C1QTNF3: variants seen among roughly 807,000 people sequenced by gnomAD.
C1QTNF3 encodes C1q and TNF related 3.
Under a neutral mutation model 32.6 loss-of-function variants are expected in C1QTNF3, and 26 were observed. The observed-to-expected ratio is 0.80, with a 90% CI of 0.58 to 1.11. The LOEUF (loss-of-function observed/expected upper bound fraction) is 1.11. Ranked by LOEUF, C1QTNF3 falls within the 50% of genes least tolerant of loss-of-function variation. C1QTNF3 has a pLI of 0.00. For missense variants in C1QTNF3, 362 were observed against 398.2 expected (o/e 0.91, Z 0.77); for synonymous variants, 155 against 146.0 (o/e 1.06, Z -0.44).
the C1QTNF3 span, among the ~76,000 whole-genome samples, chr5:34,211,038 C>A: frequency 4.6e-5 from 7 of 151,264 alleles, no homozygotes; most frequent in Middle Eastern, 3.2e-3. Context: ...ATGTTACCTC[C>A]AGGTTTAAAC....
At chr5:34,058,855 C>T in the C1QTNF3 span, among the ~76,000 whole-genome samples, 8 of 152,302 alleles carry the variant, frequency 5.3e-5, no homozygotes, top group African/African-American at 1.7e-4. Flanking sequence ...ACACCCTTTA[C>T]AGCATATGCA....
the C1QTNF3 span, among the ~76,000 whole-genome samples, chr5:34,081,413 A>G: frequency 6.6e-6 from 1 of 151,846 alleles, no homozygotes; most frequent in South Asian, 2.1e-4. Flanking sequence ...AAAATTCTAA[A>G]TGACATTTTT....
At chr5:34,040,023 C>T (rs1377441557) in intron 1 of C1QTNF3, among the ~76,000 whole-genome samples, 2 of 152,194 alleles carry the variant, frequency 1.3e-5, no homozygotes, top group African/African-American at 4.8e-5. Context: ...ACGTTCCTTC[C>T]TCTGGCCTTG....
chr5:34,106,145 TATC>T, the C1QTNF3 span: 2 of 151,986 alleles, frequency 1.3e-5, no homozygotes, highest in Non-Finnish European at 2.9e-5. Context: ...GTTTATAGTA[TATC>T]ATATTTTTAA....
chr5:34,078,534 G>A, the C1QTNF3 span, among the ~76,000 whole-genome samples: 1 of 151,618 alleles, frequency 6.6e-6, no homozygotes, highest in African/African-American at 2.4e-5. This position sits in a 1 kb window ranked among gnomAD's most constrained non-coding sequence, Gnocchi z 4.0. Context: ...TCACTATCAT[G>A]AGAATAGCAT....
chr5:34,177,717 G>C, the C1QTNF3 span, among the ~76,000 whole-genome samples: 2 of 151,268 alleles, frequency 1.3e-5, no homozygotes, highest in Non-Finnish European at 2.9e-5. Context: ...TTGAACTCTT[G>C]GCCTCGTGAT....
the C1QTNF3 span, among the ~76,000 whole-genome samples, chr5:34,094,640 CTT>C: frequency 2.6e-5 from 4 of 151,738 alleles, no homozygotes; most frequent in African/African-American, 9.7e-5. Context: ...GATATTGTAT[CTT>C]ATGATATAGA....
At chr5:34,082,599 A>C in the C1QTNF3 span, among the ~76,000 whole-genome samples, 1 of 151,664 alleles carries the variant, frequency 6.6e-6, no homozygotes. Flanking sequence ...CCTAGGGTTT[A>C]AAGTTTGGAA....
rs575954038 is a variant in C1QTNF3, at chr5:34,020,885, C to T, written c.801-143G>A. 5.8e-5 allele frequency: 45 copies of T among 771,176 alleles called. No individual in the cohort carries two copies. The African/African-American group carries it at 6.6e-4, about 11-fold the overall frequency. The allele number at this position is 771,176 out of a possible 1,614,324, so 47.8% of individuals were successfully genotyped here. ...TAAACAGCCTGTGAGCAGAAATGAC[C>T]TATGTACCACTTCTAAAGCTGGCTA... On this transcript the variant is annotated intron_variant, in intron 5 of 5. Transcript: ENST00000382065.
chr5:34,212,693 A>T, the C1QTNF3 span, among the ~76,000 whole-genome samples: 1 of 150,658 alleles, frequency 6.6e-6, no homozygotes, highest in East Asian at 2.0e-4. Flanking sequence ...TGCAAATCAA[A>T]ACCACAATGA....
the C1QTNF3 span, among the ~76,000 whole-genome samples, chr5:34,077,922 T>A: frequency 5.3e-5 from 8 of 151,862 alleles, no homozygotes; most frequent in East Asian, 1.5e-3. Context: ...AGAAGGGGGA[T>A]TATTCAAATA....
At chr5:34,234,537 T>C in the C1QTNF3 span, among the ~76,000 whole-genome samples, 1 of 152,138 alleles carries the variant, frequency 6.6e-6, no homozygotes, top group Non-Finnish European at 1.5e-5. Flanking sequence ...TTCTCTCCCT[T>C]AGGCCACTAT....
At chr5:34,210,882 A>AT in the C1QTNF3 span, among the ~76,000 whole-genome samples, 2 of 152,054 alleles carry the variant, frequency 1.3e-5, no homozygotes, top group African/African-American at 4.8e-5. Context: ...AACAATATAC[A>AT]TTTTTTGCAT....
At chr5:34,127,202 G>T in the C1QTNF3 span, among the ~76,000 whole-genome samples, 25 of 152,090 alleles carry the variant, frequency 1.6e-4, no homozygotes, top group African/African-American at 6.0e-4. Flanking sequence ...CTGCTACAAA[G>T]ATACCTGAAA....
chr5:34,155,010 T>C, the C1QTNF3 span, among the ~76,000 whole-genome samples: 13 of 152,344 alleles, frequency 8.5e-5, no homozygotes, highest in Admixed American at 5.9e-4. Context: ...TACTTCTTAG[T>C]TATCATTTAT....
chr5:34,123,400 T>C, the C1QTNF3 span, among the ~76,000 whole-genome samples: 1 of 152,204 alleles, frequency 6.6e-6, no homozygotes, highest in East Asian at 1.9e-4. Flanking sequence ...ATATAAATAA[T>C]ATCAGATTTT....
At chr5:34,063,270 G>A in the C1QTNF3 span, among the ~76,000 whole-genome samples, 1 of 148,134 alleles carries the variant, frequency 6.8e-6, no homozygotes, top group Admixed American at 6.7e-5. Flanking sequence ...TTGACTTTCT[G>A]CCTTTCTCTC....
the C1QTNF3 span, among the ~76,000 whole-genome samples, chr5:34,198,179 T>C: frequency 2.8e-5 from 4 of 144,752 alleles, no homozygotes; most frequent in Non-Finnish European, 5.9e-5. Context: ...GAGGCAGACG[T>C]TGCAGTGAGC....
chr5:34,131,661 C>T, the C1QTNF3 span, among the ~76,000 whole-genome samples: 2 of 152,084 alleles, frequency 1.3e-5, no homozygotes, highest in Non-Finnish European at 2.9e-5. Context: ...AGAGATTTGT[C>T]AAGGGATACA....
Sources: allele counts gnomAD v4.1 joint callset (sites outside exome capture counted in the v4.1 genomes callset), GRCh38; gene constraint gnomAD v4.1.1; non-coding constraint Gnocchi (gnomAD v3.1); transcripts MANE v1.5; gene names NCBI Gene and HGNC (gene_info 2026-07-23, HGNC 2026-07-21).